EPB41L5: variants seen among roughly 807,000 people sequenced by gnomAD.
EPB41L5 encodes erythrocyte membrane protein band 4.1 like 5.
A neutral mutation model predicts 106.6 loss-of-function variants in EPB41L5; 55 were observed. That is an observed-to-expected ratio of 0.52 (90% confidence interval 0.42 to 0.65). The LOEUF (loss-of-function observed/expected upper bound fraction) is 0.65, where lower values mean the gene tolerates loss of function less well. EPB41L5 is among the 30% of genes least tolerant of loss of function. The probability of loss-of-function intolerance (pLI) is 0.00; values close to 1 mark genes in which losing one functional copy is unlikely to be tolerated. For missense variants in EPB41L5, 871 were observed against 882.1 expected (o/e 0.99, Z 0.16); for synonymous variants, 297 against 306.7 (o/e 0.97, Z 0.33).
At chr2:120,068,413 G>A (rs1037707433) in intron 3 of EPB41L5, among the ~76,000 whole-genome samples, 1 of 152,226 alleles carries the variant, frequency 6.6e-6, no homozygotes, top group African/African-American at 2.4e-5. Context: ...GTCTAGCTCA[G>A]TGGATCTCAC....
chr2:120,070,829 A>G (rs1441419077), intron 3 of EPB41L5, among the ~76,000 whole-genome samples: 1 of 152,142 alleles, frequency 6.6e-6, no homozygotes, highest in African/African-American at 2.4e-5. Flanking sequence ...GTATTGATAG[A>G]AAACATCTCA....
chr2:120,074,201 T>C, intron 5 of EPB41L5, 23 bp downstream of exon 5: 2 of 1,560,956 alleles, frequency 1.3e-6, no homozygotes, highest in Non-Finnish European at 8.8e-7. Context: ...TCTAGAATTG[T>C]GCCAGGGTTA....
intron 20 of EPB41L5, among the ~76,000 whole-genome samples, chr2:120,149,245 A>G (rs924187307): frequency 2.0e-5 from 3 of 152,180 alleles, no homozygotes; most frequent in African/African-American, 4.8e-5. Flanking sequence ...AAAGTGTGCA[A>G]TTCAATAGTT....
At chr2:120,087,116 A>T in intron 10 of EPB41L5, 55 bp from the exon 11 acceptor site, 1 of 1,104,260 alleles carries the variant, frequency 9.1e-7, no homozygotes. Context: ...AATTTTTTTC[A>T]TATTTAGAGA....
chr2:120,053,925 G>A (rs1267785535), intron 3 of EPB41L5, among the ~76,000 whole-genome samples: 1 of 152,162 alleles, frequency 6.6e-6, no homozygotes, highest in Non-Finnish European at 1.5e-5. Context: ...GCCAGGTGCG[G>A]TGGTGTGTGC....
chr2:120,086,356 A>G (rs915756036), intron 10 of EPB41L5, among the ~76,000 whole-genome samples: 2 of 152,166 alleles, frequency 1.3e-5, no homozygotes, highest in African/African-American at 4.8e-5. Flanking sequence ...CAGAGTTCAA[A>G]TGTGTGGTAG....
rs755200353 is a variant in EPB41L5, at chr2:120,100,262, G to C, written c.1197G>C (p.Ser399=). ...PEELSVHNNV[S]TQSNGSQQAW... ...ATTACAGTGTTCACAATAATGTTTC[G>C]ACCCAAAGTAATGGCTCCCAACAGG... The change falls in exon 15 of 25, where the codon TCG becomes TCC. Residue 399 remains serine (S), a synonymous_variant. Transcript: ENST00000263713. 5 of 1,612,122 alleles carry C rather than the reference G, an allele frequency of 3.1e-6. No homozygotes were observed. In the South Asian group the frequency reaches 4.4e-5, roughly 14 times the overall value.
intron 2 of EPB41L5, among the ~76,000 whole-genome samples, chr2:120,033,532 A>C (rs558987597): frequency 6.6e-6 from 1 of 151,620 alleles, no homozygotes; most frequent in African/African-American, 2.4e-5. Flanking sequence ...ACGTGGTGAA[A>C]CCCCATCTCT....
At position 120,078,523 on chromosome 2, in the gene EPB41L5, C is replaced by A. The variant is rs762802152; in HGVS notation, c.745C>A (p.Leu249Ile). 6.2e-7 allele frequency: 1 copy of A among 1,609,430 alleles called. No homozygotes were observed. The highest frequency in any genetic ancestry group is 1.1e-5 in the South Asian group (1 of 90,324). The change falls in exon 10 of 25, where the codon CTA (leucine) becomes ATA (isoleucine). Residue 249 changes from leucine (L) to isoleucine (I), a missense_variant. Coordinates refer to ENST00000263713, the MANE Select transcript of EPB41L5 (RefSeq NM_020909.4). ...ARDGNDYSLGLTPTGVLVFEG... is the reference protein window; with the variant it reads ...ARDGNDYSLGITPTGVLVFEG... ...AGATGGGAATGACTATAGTTTGGGA[C>A]TAACACCAACAGGAGTCCTTGTTTT...
chr2:120,163,599 T>G lies in EPB41L5; in HGVS notation c.1888-1237T>G, dbSNP rs1031345888. On this transcript the variant is annotated intron_variant, in intron 21 of 24. Transcript: ENST00000263713. The stretch of plus-strand genomic sequence containing the variant: ...TGCTGAACCTGTTACTGGTTTTTTT[T>G]TTTTTTTTTTAAGTTCAAAGTATGA... Among the ~76,000 whole-genome samples, 969 of 151,822 alleles carry G rather than the reference T, an allele frequency of 6.4e-3. 16 individuals are homozygous for G. The highest frequency in any genetic ancestry group is 0.021 in the African/African-American group (858 of 41,366).
intron 24 of EPB41L5, among the ~76,000 whole-genome samples, chr2:120,169,437 A>G (rs573866789): frequency 6.6e-6 from 1 of 152,338 alleles, no homozygotes; most frequent in African/African-American, 2.4e-5. Context: ...ATAGACAAAG[A>G]TCTTTTAAAC....
intron 16 of EPB41L5, chr2:120,108,241 G>A (rs1166562449): frequency 2.6e-5 from 4 of 152,112 alleles, no homozygotes; most frequent in Non-Finnish European, 4.4e-5. Context: ...GCATGGAAAA[G>A]AGATATCTGA....
intron 16 of EPB41L5, among the ~76,000 whole-genome samples, chr2:120,114,218 C>G (rs906338226): frequency 6.6e-6 from 1 of 152,074 alleles, no homozygotes; most frequent in South Asian, 2.1e-4. Context: ...TTTTGATCTG[C>G]TTATTGACTT....
chr2:120,100,386 A>G, intron 15 of EPB41L5, 100 bp downstream of exon 15: 1 of 1,092,548 alleles, frequency 9.2e-7, no homozygotes, highest in Non-Finnish European at 1.4e-6. Context: ...GTAACCCTGC[A>G]CAAATTATGT....
rs1483115906 is a variant in EPB41L5, at chr2:120,160,981, ATACTTT to A, written c.1887+13_1887+18del. 2 of 1,607,506 alleles carry A rather than the reference ATACTTT, an allele frequency of 1.2e-6. No homozygotes were observed. On this transcript the variant is annotated splice_region_variant and intron_variant, in intron 21 of 24. Transcript: ENST00000263713. ...CAGTGGTTCTGTTCTAAAGGTAAGA[ATACTTT>A]TACTTCTTAAAATTTTTGCCAAAGA...
chr2:120,105,513 T>C (rs1684397839), intron 16 of EPB41L5: 1 of 985,244 alleles, frequency 1.0e-6, no homozygotes, highest in Non-Finnish European at 1.2e-6. Context: ...TACTGAATGG[T>C]TGGTTGCAGT....
intron 19 of EPB41L5, 57 bp from the exon 20 acceptor site, chr2:120,146,168 T>A: frequency 2.9e-6 from 3 of 1,052,462 alleles, no homozygotes; most frequent in South Asian, 1.4e-5. Context: ...TGTAAATTTC[T>A]TGTTACTTTA....
intron 14 of EPB41L5, among the ~76,000 whole-genome samples, chr2:120,099,850 C>T (rs760469765): frequency 3.3e-5 from 5 of 152,010 alleles, no homozygotes; most frequent in Non-Finnish European, 7.4e-5. Flanking sequence ...GAGTTGTTGC[C>T]GACACTGGAA....
chr2:120,154,948 T>G (rs919395690), intron 20 of EPB41L5, among the ~76,000 whole-genome samples: 2 of 152,254 alleles, frequency 1.3e-5, no homozygotes, highest in Non-Finnish European at 2.9e-5. Flanking sequence ...AAATTGCATA[T>G]GTACACATTG....
Sources: gnomAD v4.1 joint callset for allele counts (sites outside exome capture counted in the v4.1 genomes callset) on GRCh38, gnomAD v4.1.1 for gene constraint, MANE v1.5 for transcripts, NCBI Gene and HGNC (gene_info 2026-07-23, HGNC 2026-07-21) for gene names.